Variants in GPR137C observed in about 807,000 individuals in gnomAD.
GPR137C encodes the protein G protein-coupled receptor 137C.
A neutral mutation model predicts 43.4 loss-of-function variants in GPR137C; 27 were observed. The ratio of observed to expected loss-of-function variants is 0.62; its 90% CI spans 0.46 to 0.86. GPR137C has a LOEUF of 0.86. Ranked by LOEUF, GPR137C falls within the 40% of genes least tolerant of loss-of-function variation. GPR137C has a pLI of 0.00. For synonymous variants in GPR137C, 285 were observed against 226.9 expected, an observed-to-expected ratio of 1.26 and a Z score of -2.30; for missense variants, 522 against 534.6, an observed-to-expected ratio of 0.98 and a Z score of 0.23.
chr14:52,634,880 G>A (rs773699890), intron 6 of GPR137C, 58 bp from the exon 7 acceptor site: 5 of 1,431,756 alleles, frequency 3.5e-6, no homozygotes, highest in South Asian at 1.3e-5. Context: ...AAATTCAAAT[G>A]TGACTTCTTA....
intron 1 of GPR137C, among the ~76,000 whole-genome samples, chr14:52,554,320 T>C (rs1010946205): frequency 4.6e-5 from 7 of 152,218 alleles, no homozygotes; most frequent in African/African-American, 1.4e-4. Context: ...TAGCTTAACC[T>C]GTGCCTATTG....
chr14:52,569,596 T>C (rs1368657301), intron 1 of GPR137C, among the ~76,000 whole-genome samples: 1 of 151,656 alleles, frequency 6.6e-6, no homozygotes, highest in Non-Finnish European at 1.5e-5. Flanking sequence ...GAGAAGAACA[T>C]AAATGACCTG....
At chr14:52,564,112 A>T (rs1259596270) in intron 1 of GPR137C, among the ~76,000 whole-genome samples, 3 of 151,904 alleles carry the variant, frequency 2.0e-5, no homozygotes, top group Non-Finnish European at 2.9e-5. Context: ...CATCTCTACT[A>T]AAAAATACAA....
chr14:52,578,672 AC>A (rs1398791228), intron 1 of GPR137C, among the ~76,000 whole-genome samples: 1 of 152,142 alleles, frequency 6.6e-6, no homozygotes, highest in African/African-American at 2.4e-5. Flanking sequence ...ATGGTGGCTC[AC>A]ACCTGTAATC....
At chr14:52,613,448 T>A (rs1383444040) in intron 3 of GPR137C, 1 of 152,962 alleles carries the variant, frequency 6.5e-6, no homozygotes, top group Non-Finnish European at 1.5e-5. Flanking sequence ...GTCTTATTAA[T>A]TCTTTCTAAC....
chr14:52,616,589 C>T (rs1397651374), intron 3 of GPR137C, among the ~76,000 whole-genome samples: 1 of 152,172 alleles, frequency 6.6e-6, no homozygotes, highest in East Asian at 1.9e-4. Flanking sequence ...GCACTGCCCC[C>T]AGCCATGTTA....
intron 1 of GPR137C, among the ~76,000 whole-genome samples, chr14:52,583,436 C>A (rs1487196575): frequency 6.6e-6 from 1 of 152,188 alleles, no homozygotes; most frequent in Non-Finnish European, 1.5e-5. Flanking sequence ...TTCTGCAAAT[C>A]TGGGATGGTA....
At chr14:52,616,341 T>A (rs2139560301) in intron 3 of GPR137C, among the ~76,000 whole-genome samples, 1 of 152,294 alleles carries the variant, frequency 6.6e-6, no homozygotes, top group African/African-American at 2.4e-5. Context: ...TCACCTAGGC[T>A]GGAGTGCAGT....
Position 52,598,294 on chromosome 14 carries a change from C to A in GPR137C, c.467C>A (p.Ala156Asp). The A allele has an allele frequency of 7.1e-7, 1 of 1,400,614 alleles. No homozygotes were observed. The highest frequency in any genetic ancestry group is 9.7e-7 in the Non-Finnish European group (1 of 1,028,600). The allele number at this position is 1,400,614 out of a possible 1,614,324, so 86.8% of individuals were successfully genotyped here. A position where few individuals can be genotyped will look rare whatever the true frequency, so the allele number is the denominator to read the frequency against. The change falls in exon 2 of 7, where the codon GCC becomes GAC. Residue 156 changes from alanine to aspartate, a missense_variant. By Grantham distance (126) the Ala-to-Asp change is moderately radical. Coordinates refer to ENST00000321662, the MANE Select transcript of GPR137C (RefSeq NM_001099652.2). ...LAEVICKVRCATELDRHKILL... is the reference protein window; with the variant it reads ...LAEVICKVRCDTELDRHKILL... Reference sequence around the variant, plus strand: ...TAGGTTATATGTAAAGTCAGATGTGCCACTGAACTTGACAGACACAAGTAA... The same window carrying A: ...TAGGTTATATGTAAAGTCAGATGTGACACTGAACTTGACAGACACAAGTAA...
At chr14:52,558,037 T>C (rs2038220945) in intron 1 of GPR137C, among the ~76,000 whole-genome samples, 1 of 150,948 alleles carries the variant, frequency 6.6e-6, no homozygotes, top group African/African-American at 2.4e-5. Context: ...TTCAGAGAAA[T>C]GCTGCAGAGA....
chr14:52,611,615 CT>C (rs2039039979), intron 3 of GPR137C: 6 of 521,590 alleles, frequency 1.2e-5, no homozygotes, highest in Non-Finnish European at 1.2e-5. Flanking sequence ...AATTAACCAA[CT>C]TTTTTTGACT....
Position 52,577,505 on chromosome 14 carries a change from T to TGC in GPR137C, c.445-20756_445-20755dup, listed in dbSNP as rs765290271. Among the ~76,000 whole-genome samples the TGC allele has an allele frequency of 5.8e-3, 792 of 136,596 alleles. 8 individuals carry two copies. The highest frequency in any genetic ancestry group is 0.022 in the South Asian group (89 of 4,018). 89.6% of individuals were successfully genotyped at this position (136,596 alleles called of 152,430 possible). ...GAAATTGAGACCAAACATGCACGCG[T>TGC]GCGCGCGCGCGCACACACACACACA... is the stretch of plus-strand genomic sequence containing the variant. On this transcript the variant is annotated intron_variant, in intron 1 of 6. Coordinates refer to ENST00000321662, the MANE Select transcript of GPR137C (RefSeq NM_001099652.2).
At chr14:52,594,140 CTGAG>C (rs1304696383) in intron 1 of GPR137C, among the ~76,000 whole-genome samples, 6 of 152,214 alleles carry the variant, frequency 3.9e-5, no homozygotes, top group Admixed American at 2.6e-4. Context: ...TTGTGCAGTT[CTGAG>C]TGAGTTTCTT....
In GPR137C at chr14:52,553,070, G is replaced by A; in HGVS notation, c.-78G>A. ...GGGGTGGGTGGGGGGTAAGGGGGCA[G>A]TCCTTCTCCCCTTCGACGGCGGCTC... On this transcript the variant is annotated 5_prime_UTR_variant, in exon 1 of 7. Transcript: ENST00000321662. The A allele has an allele frequency of 1.3e-6, 1 of 763,884 alleles. No individual in the cohort carries two copies. The highest frequency in any genetic ancestry group is 1.7e-6 in the Non-Finnish European group (1 of 598,742). 47.3% of individuals were successfully genotyped at this position (763,884 alleles called of 1,614,324 possible). A position where few individuals can be genotyped will look rare whatever the true frequency, so the allele number is the denominator to read the frequency against.
At chr14:52,600,608 T>A (rs1189568342) in intron 3 of GPR137C, among the ~76,000 whole-genome samples, 3 of 152,096 alleles carry the variant, frequency 2.0e-5, no homozygotes, top group Non-Finnish European at 4.4e-5. Context: ...ATTGCTTTTT[T>A]AAAAAATATC....
intron 1 of GPR137C, among the ~76,000 whole-genome samples, chr14:52,577,442 A>G (rs2038574414): frequency 6.6e-6 from 1 of 151,922 alleles, no homozygotes; most frequent in Non-Finnish European, 1.5e-5. Context: ...AAGAACAAAC[A>G]AAACCCAAAG....
At chr14:52,634,425 AAAGCTTAATGGCTGAAGCCATG>A (rs1234622884) in intron 6 of GPR137C, among the ~76,000 whole-genome samples, 1 of 152,058 alleles carries the variant, frequency 6.6e-6, no homozygotes, top group Non-Finnish European at 1.5e-5. Flanking sequence ...GGCAAAGAGG[AAAGCTTAATGGCTGAAGCCATG>A]AAGCATAATG....
chr14:52,570,413 C>T (rs8015477), intron 1 of GPR137C, among the ~76,000 whole-genome samples: 27,079 of 152,040 alleles, frequency 0.18, 2,770 homozygotes, highest in African/African-American at 0.28. Context: ...TAAAGACCAT[C>T]GACCCTATGA....
chr14:52,591,816 G>C lies in GPR137C; in HGVS notation c.445-6456G>C, dbSNP rs571671458. ...TGACAGTTTCTTTTGGTATGCAGAA[G>C]CTCTTTATTTAATTAGATCCCATTT... On this transcript the variant is annotated intron_variant, in intron 1 of 6. Transcript: ENST00000321662. Among the ~76,000 whole-genome samples the C allele has an allele frequency of 4.5e-4, 68 of 152,258 alleles. 3 individuals are homozygous for C. In the South Asian group the frequency reaches 0.011, roughly 24 times the overall value.
Sources: gnomAD v4.1 joint callset for allele counts (sites outside exome capture counted in the v4.1 genomes callset) on GRCh38, gnomAD v4.1.1 for gene constraint, MANE v1.5 for transcripts, NCBI Gene and HGNC (gene_info 2026-07-23, HGNC 2026-07-21) for gene names.